The following SYN3 variants were observed in gnomAD, a reference collection of about 807,000 sequenced individuals.
SYN3 encodes synapsin-3.
Under a neutral mutation model 65.8 loss-of-function variants are expected in SYN3, and 35 were observed. That is an observed-to-expected ratio of 0.53 (90% confidence interval 0.41 to 0.70). The LOEUF (loss-of-function observed/expected upper bound fraction) is 0.70. Among genes scored for constraint, SYN3 ranks in the 30% least tolerant of loss-of-function variants. The pLI is 0.00. For synonymous variants in SYN3, 270 were observed against 292.9 expected, an observed-to-expected ratio of 0.92 and a Z score of 0.80; for missense variants, 680 against 749.0, an observed-to-expected ratio of 0.91 and a Z score of 1.08.
At chr22:32,974,801 G>A (rs189643254) in intron 3 of SYN3, among the ~76,000 whole-genome samples, 12 of 152,112 alleles carry the variant, frequency 7.9e-5, no homozygotes, top group African/African-American at 1.4e-4. Flanking sequence ...TACATGTGCC[G>A]GAAACAAATG....
intron 6 of SYN3, among the ~76,000 whole-genome samples, chr22:32,721,343 G>T (rs1178852761): frequency 6.6e-6 from 1 of 152,062 alleles, no homozygotes; most frequent in Non-Finnish European, 1.5e-5. Flanking sequence ...ATTCTGACTG[G>T]AGTTATTTGC....
intron 6 of SYN3, among the ~76,000 whole-genome samples, chr22:32,811,645 A>C (rs879598504): frequency 2.0e-5 from 3 of 152,176 alleles, no homozygotes; most frequent in Non-Finnish European, 4.4e-5. Flanking sequence ...AGTCCATTTG[A>C]TCTCATTTGA....
intron 6 of SYN3, among the ~76,000 whole-genome samples, chr22:32,623,057 G>C (rs141102306): frequency 6.6e-6 from 1 of 152,254 alleles, no homozygotes; most frequent in Non-Finnish European, 1.5e-5. Flanking sequence ...TACCACAACA[G>C]ATTAGCCAAA....
intron 6 of SYN3, among the ~76,000 whole-genome samples, chr22:32,768,336 C>G (rs135149): frequency 0.15 from 23,095 of 152,158 alleles, 2,273 homozygotes; most frequent in East Asian, 0.35. Context: ...ATATTCGCCC[C>G]TTTCTCTGCC....
chr22:32,912,217 T>C (rs1365520765), intron 4 of SYN3, among the ~76,000 whole-genome samples: 2 of 152,114 alleles, frequency 1.3e-5, no homozygotes, highest in African/African-American at 2.4e-5. Flanking sequence ...GAGGTCAATA[T>C]GAGAGGGCAT....
intron 7 of SYN3, among the ~76,000 whole-genome samples, chr22:32,564,846 AAACAGTGCTCCCGGACTGCACCCT>A (rs1274990181): frequency 3.3e-5 from 5 of 150,350 alleles, no homozygotes; most frequent in South Asian, 2.1e-4. Context: ...GACTACACCC[AAACAGTGCTCCCGGACTGCACCCT>A]AACAGCGCTC....
chr22:32,931,296 G>T, intron 4 of SYN3, 94 bp downstream of exon 4: 1 of 812,834 alleles, frequency 1.2e-6, no homozygotes, highest in South Asian at 1.4e-5. Flanking sequence ...TGTGGCAAAG[G>T]AGTTAGGTCG....
At chr22:32,984,496 C>A (rs183070594) in intron 2 of SYN3, among the ~76,000 whole-genome samples, 9 of 152,298 alleles carry the variant, frequency 5.9e-5, no homozygotes, top group Admixed American at 2.0e-4. Context: ...CCTTTGGCCA[C>A]CCCTTGGAAA....
chr22:33,042,002 G>A (rs908726016), intron 1 of SYN3, among the ~76,000 whole-genome samples: 15 of 152,152 alleles, frequency 9.9e-5, no homozygotes, highest in African/African-American at 2.7e-4. Context: ...TGTTAAAACC[G>A]CAATCCCTAA....
At chr22:32,794,260 C>T (rs887574478) in intron 6 of SYN3, among the ~76,000 whole-genome samples, 1 of 152,234 alleles carries the variant, frequency 6.6e-6, no homozygotes, top group Non-Finnish European at 1.5e-5. Flanking sequence ...GAGAAACTAG[C>T]TTCATATTGA....
chr22:32,807,399 A>ATAT (rs130273), intron 6 of SYN3, among the ~76,000 whole-genome samples: 23 of 118,342 alleles, frequency 1.9e-4, no homozygotes, highest in Non-Finnish European at 2.3e-4. Flanking sequence ...TATATAATAT[A>ATAT]TATATATTAT....
At position 32,945,634 on chromosome 22, in the gene SYN3, A is replaced by G. The variant is rs561511651; in HGVS notation, c.370-14153T>C. On this transcript the variant is annotated intron_variant, in intron 3 of 13. Coordinates refer to ENST00000358763, the MANE Select transcript of SYN3 (RefSeq NM_003490.4). Reference sequence around the variant, plus strand: ...ACCATTCAGGACATAGGCATGGGCAAGGACTTCATGTCTAAAACACCAAAA... The same window carrying G: ...ACCATTCAGGACATAGGCATGGGCAGGGACTTCATGTCTAAAACACCAAAA... Among the ~76,000 whole-genome samples, 789 of 152,326 alleles carry G rather than the reference A, an allele frequency of 5.2e-3. 8 individuals are homozygous for G. The highest frequency in any genetic ancestry group is 0.018 in the African/African-American group (746 of 41,574).
chr22:32,521,049 A>G (rs961657963), intron 12 of SYN3, among the ~76,000 whole-genome samples: 3 of 152,176 alleles, frequency 2.0e-5, no homozygotes, highest in African/African-American at 7.2e-5. Flanking sequence ...TACCTCTTTC[A>G]TGATTGTATA....
At chr22:33,018,851 G>A (rs2053515301) in intron 1 of SYN3, among the ~76,000 whole-genome samples, 1 of 152,164 alleles carries the variant, frequency 6.6e-6, no homozygotes, top group Non-Finnish European at 1.5e-5. Context: ...CTGAACCTAA[G>A]TCTCACACTT....
intron 6 of SYN3, among the ~76,000 whole-genome samples, chr22:32,692,155 C>CAAAAAAAAAAAAAAAAAAAAAAGAA (rs1188224009): frequency 2.9e-5 from 1 of 34,496 alleles, no homozygotes; most frequent in Non-Finnish European, 4.3e-5. Context: ...GACAAAAAGA[C>CAAAAAAAAAAAAAAAAAAAAAAGAA]AAAAAAAAAA....
intron 2 of SYN3, among the ~76,000 whole-genome samples, chr22:33,002,384 CTGTAATCTCA>C (rs2053084432): frequency 6.6e-6 from 1 of 152,188 alleles, no homozygotes; most frequent in Admixed American, 6.5e-5. Context: ...TGGCTCACAC[CTGTAATCTCA>C]GCATTTTGGG....
chr22:32,624,710 G>C (rs1197961446), intron 6 of SYN3, among the ~76,000 whole-genome samples: 1 of 152,184 alleles, frequency 6.6e-6, no homozygotes, highest in African/African-American at 2.4e-5. Flanking sequence ...TGTGGAAAGA[G>C]GCAAGGTCCA....
At chr22:33,054,495 T>A (rs2054223976) in intron 1 of SYN3, among the ~76,000 whole-genome samples, 1 of 152,200 alleles carries the variant, frequency 6.6e-6, no homozygotes, top group Non-Finnish European at 1.5e-5. Context: ...AACTGTCGCC[T>A]CTATCTAGTT....
chr22:32,979,822 G>C (rs1289572245), intron 3 of SYN3, among the ~76,000 whole-genome samples: 1 of 152,174 alleles, frequency 6.6e-6, no homozygotes, highest in Non-Finnish European at 1.5e-5. Context: ...TTGAACTGGA[G>C]GGAGTGTAAG....
Sources: gnomAD v4.1 joint callset for allele counts (sites outside exome capture counted in the v4.1 genomes callset) on GRCh38, gnomAD v4.1.1 for gene constraint, MANE v1.5 for transcripts, NCBI Gene and HGNC (gene_info 2026-07-23, HGNC 2026-07-21) for gene names.